Variants in SLC5A11 observed in about 807,000 individuals in gnomAD.
The protein encoded by SLC5A11 is sodium/myo-inositol cotransporter 2.
SLC5A11 carries 48 observed loss-of-function variants against 69.8 expected under a neutral mutation model. The ratio of observed to expected loss-of-function variants is 0.69; its 90% CI spans 0.55 to 0.87. The LOEUF (loss-of-function observed/expected upper bound fraction) is 0.87, where lower values mean the gene tolerates loss of function less well. SLC5A11 is among the 40% of genes least tolerant of loss of function. SLC5A11 has a pLI of 0.00. For synonymous variants in SLC5A11, 319 were observed against 342.4 expected, an observed-to-expected ratio of 0.93 and a Z score of 0.75; for missense variants, 784 against 866.1, an observed-to-expected ratio of 0.91 and a Z score of 1.19.
At chr16:24,847,005 T>C (rs1294019554) in intron 1 of SLC5A11, among the ~76,000 whole-genome samples, 1 of 152,202 alleles carries the variant, frequency 6.6e-6, no homozygotes, top group Non-Finnish European at 1.5e-5. Context: ...GGACAGAGTC[T>C]AAGGGTCATT....
At chr16:24,895,717 C>A (rs1283736740) in intron 9 of SLC5A11, among the ~76,000 whole-genome samples, 1 of 152,006 alleles carries the variant, frequency 6.6e-6, no homozygotes, top group African/African-American at 2.4e-5. Context: ...GAGTACCTGT[C>A]CTTGAAACGT....
chr16:24,870,103 A>C (rs568166328), intron 4 of SLC5A11, 98 bp downstream of exon 5: 10 of 877,752 alleles, frequency 1.1e-5, no homozygotes, highest in Middle Eastern at 2.2e-4. Flanking sequence ...TTAAAAATAG[A>C]ATGGTGGGGC....
chr16:24,857,362 T>C (rs1161588096), intron 1 of SLC5A11, among the ~76,000 whole-genome samples: 1 of 152,218 alleles, frequency 6.6e-6, no homozygotes, highest in Non-Finnish European at 1.5e-5. Context: ...AAATCACCCT[T>C]GGAAATTTTA....
At chr16:24,849,593 A>AAAAATATATATATAT in intron 1 of SLC5A11, among the ~76,000 whole-genome samples, 3 of 35,910 alleles carry the variant, frequency 8.4e-5, no homozygotes, top group African/African-American at 1.8e-4. Context: ...AAAAAAAAAA[A>AAAAATATATATATAT]ATATATATAT....
chr16:24,875,790 G>A (rs186884441), intron 6 of SLC5A11, 59 bp downstream of exon 7: 1 of 1,363,326 alleles, frequency 7.3e-7, no homozygotes, highest in African/African-American at 1.4e-5. Flanking sequence ...ATAAGGCACA[G>A]ATCATTGCTC....
chr16:24,858,178 T>C (rs1366331060), intron 1 of SLC5A11, among the ~76,000 whole-genome samples: 1 of 152,186 alleles, frequency 6.6e-6, no homozygotes, highest in African/African-American at 2.4e-5. Flanking sequence ...AATTTCATGG[T>C]ATATGTAGCA....
chr16:24,910,037 T>C (rs2152426982), intron 14 of SLC5A11, among the ~76,000 whole-genome samples: 1 of 151,988 alleles, frequency 6.6e-6, no homozygotes, highest in South Asian at 2.1e-4. Context: ...GGTTAAGCTC[T>C]GGGGATTAGA....
At chr16:24,910,374 T>A (rs1195668018) in exon 15 of SLC5A11, 2 of 1,613,976 alleles carry the variant, frequency 1.2e-6, no homozygotes, top group Non-Finnish European at 1.7e-6. Context: ...CACCAGCAGC[T>A]CCCTTGTCTC....
At chr16:24,896,847 T>C (rs1160790486) in intron 9 of SLC5A11, among the ~76,000 whole-genome samples, 1 of 151,870 alleles carries the variant, frequency 6.6e-6, no homozygotes, top group African/African-American at 2.4e-5. Context: ...CAAAGAGGCC[T>C]TCCCATATCA....
intron 3 of SLC5A11, among the ~76,000 whole-genome samples, chr16:24,869,229 A>G (rs2152294003): frequency 6.6e-6 from 1 of 152,150 alleles, no homozygotes; most frequent in South Asian, 2.1e-4. Flanking sequence ...GATGAGCAGC[A>G]CAGGGTGAAA....
chr16:24,905,678 A>ACG, intron 10 of SLC5A11, among the ~76,000 whole-genome samples: 1 of 151,270 alleles, frequency 6.6e-6, no homozygotes, highest in South Asian at 2.1e-4. Flanking sequence ...ACACACACAC[A>ACG]CACACAGAGT....
chr16:24,849,722 C>A (rs1015838914), intron 1 of SLC5A11, among the ~76,000 whole-genome samples: 3 of 148,904 alleles, frequency 2.0e-5, no homozygotes, highest in Non-Finnish European at 4.4e-5. Context: ...CAAGATCATC[C>A]CTGAAAGGCA....
At chr16:24,864,671 G>A (rs2046809599) in intron 3 of SLC5A11, among the ~76,000 whole-genome samples, 1 of 152,086 alleles carries the variant, frequency 6.6e-6, no homozygotes, top group African/African-American at 2.4e-5. Context: ...AAGGCCAGAT[G>A]TTATATTCAC....
chr16:24,882,601 G>C lies in SLC5A11; in HGVS notation c.584-1450G>C, dbSNP rs1221308481. Among the ~76,000 whole-genome samples the C allele has an allele frequency of 5.9e-5, 9 of 152,206 alleles. 1 individual carries two copies. Among genetic ancestry groups the C allele is most frequent in the Admixed American group, 5.9e-4 (9 of 15,274 alleles). ...GAGACTGGAAAGATTGCTCTTTCCA[G>C]ATGCTGATGGATTTGCTACCAGGAT... On this transcript the variant is annotated intron_variant, in intron 7 of 15. Transcript: ENST00000347898.
chr16:24,855,468 T>C (rs933707081), intron 1 of SLC5A11, among the ~76,000 whole-genome samples: 1 of 146,618 alleles, frequency 6.8e-6, no homozygotes, highest in Non-Finnish European at 1.5e-5. Context: ...CCAGGCATGG[T>C]GGTGCATCTA....
Position 24,898,510 on chromosome 16 carries a change from CT to C in SLC5A11, c.1006+414del, listed in dbSNP as rs111368545. On this transcript the variant is annotated intron_variant, in intron 10 of 15. Transcript: ENST00000347898. ...CAGGTGTGAGCCAACATGCCCAGTC[CT>C]TTTTTTTTTTTTGCATTTTTTTTTT... Among the ~76,000 whole-genome samples, 1,375 of 141,538 alleles carry C rather than the reference CT, an allele frequency of 9.7e-3. 13 individuals are homozygous for C. Among genetic ancestry groups the C allele is most frequent in the Admixed American group, 0.019 (269 of 13,992 alleles). The allele number at this position is 141,538 out of a possible 152,430, so 92.9% of individuals were successfully genotyped here. A position where few individuals can be genotyped will look rare whatever the true frequency, so the allele number is the denominator to read the frequency against.
chr16:24,872,368 T>G, intron 5 of SLC5A11, 149 bp downstream of exon 6: 1 of 899,388 alleles, frequency 1.1e-6, no homozygotes, highest in Non-Finnish European at 1.8e-6. Context: ...AGGGGAGGGA[T>G]GATCCACAGG....
chr16:24,894,210 A>G (rs1054839406), intron 9 of SLC5A11, among the ~76,000 whole-genome samples: 7 of 151,796 alleles, frequency 4.6e-5, no homozygotes, highest in Admixed American at 1.3e-4. Context: ...ATTGCACCAC[A>G]CCTATTGGAT....
At chr16:24,894,711 GA>G (rs1215297953) in intron 9 of SLC5A11, among the ~76,000 whole-genome samples, 2 of 152,122 alleles carry the variant, frequency 1.3e-5, no homozygotes, top group African/African-American at 4.8e-5. Flanking sequence ...TGAGGCAAGA[GA>G]ATAGCTGAAC....
Sources: gnomAD v4.1 joint callset for allele counts (sites outside exome capture counted in the v4.1 genomes callset) on GRCh38, gnomAD v4.1.1 for gene constraint, MANE v1.5 for transcripts, NCBI Gene and HGNC (gene_info 2026-07-23, HGNC 2026-07-21) for gene names.